Variants in RBFOX1 observed in about 807,000 individuals in gnomAD.
RBFOX1 encodes RNA binding protein fox-1 homolog 1.
In RBFOX1, 8 loss-of-function variants were observed where a neutral mutation model predicts 57.7. The observed-to-expected ratio is 0.14, with a 90% CI of 0.08 to 0.25. The LOEUF (loss-of-function observed/expected upper bound fraction) is 0.25, where lower values mean the gene tolerates loss of function less well. Ranked by LOEUF, RBFOX1 falls within the 10% of genes least tolerant of loss-of-function variation. The pLI is 1.00. For synonymous variants in RBFOX1, 326 were observed against 222.4 expected, an observed-to-expected ratio of 1.47 and a Z score of -4.15; for missense variants, 611 against 548.5, an observed-to-expected ratio of 1.11 and a Z score of -1.14.
At chr16:5,658,830 ATG>A (rs1165392778) in intron 3 of RBFOX1, among the ~76,000 whole-genome samples, 2 of 148,220 alleles carry the variant, frequency 1.3e-5, no homozygotes, top group East Asian at 3.9e-4. Flanking sequence ...ATATGTATAT[ATG>A]TATATATATA....
intron 3 of RBFOX1, among the ~76,000 whole-genome samples, chr16:5,796,578 ATG>A (rs2151744386): frequency 6.6e-6 from 1 of 152,232 alleles, no homozygotes; most frequent in East Asian, 1.9e-4. Flanking sequence ...GATGATGATG[ATG>A]ATGGTGACAG....
intron 4 of RBFOX1, among the ~76,000 whole-genome samples, chr16:7,266,979 G>A (rs1009535732): frequency 1.3e-5 from 2 of 152,066 alleles, no homozygotes; most frequent in African/African-American, 2.4e-5. Flanking sequence ...GGGCCACTGA[G>A]ACCAAAAAGC....
intron 1 of RBFOX1, among the ~76,000 whole-genome samples, chr16:6,142,254 C>T (rs991203019): frequency 8.0e-6 from 1 of 125,144 alleles, no homozygotes; most frequent in East Asian, 2.7e-4. Flanking sequence ...CGGAGTCTTG[C>T]TCTGTCACCC....
intron 4 of RBFOX1, among the ~76,000 whole-genome samples, chr16:7,435,586 G>C (rs1363139235): frequency 2.0e-5 from 3 of 152,278 alleles, no homozygotes; most frequent in South Asian, 4.1e-4. Context: ...TTTTCAGCAG[G>C]ACCTGGGTAA....
At chr16:7,456,111 C>T (rs560389341) in intron 4 of RBFOX1, among the ~76,000 whole-genome samples, 2 of 152,314 alleles carry the variant, frequency 1.3e-5, no homozygotes, top group African/African-American at 4.8e-5. Flanking sequence ...AGCGTTCCTA[C>T]ATTGCCCTTT....
intron 4 of RBFOX1, among the ~76,000 whole-genome samples, chr16:5,998,557 C>G (rs748557894): frequency 3.3e-5 from 5 of 152,050 alleles, no homozygotes; most frequent in African/African-American, 7.3e-5. Flanking sequence ...TATGTGGATG[C>G]CCAGCATATA....
chr16:7,659,463 T>C (rs1364689851), intron 12 of RBFOX1, among the ~76,000 whole-genome samples: 1 of 152,194 alleles, frequency 6.6e-6, no homozygotes, highest in Non-Finnish European at 1.5e-5. Flanking sequence ...AAGTCATCAT[T>C]ACCCATTCTC....
intron 1 of RBFOX1, among the ~76,000 whole-genome samples, chr16:6,096,559 A>G (rs375379685): frequency 6.6e-6 from 1 of 152,148 alleles, no homozygotes; most frequent in Non-Finnish European, 1.5e-5. Context: ...CTCTACTCCT[A>G]TGATGGCCTT....
intron 3 of RBFOX1, among the ~76,000 whole-genome samples, chr16:7,039,062 C>A (rs138495123): frequency 7.2e-4 from 109 of 152,030 alleles, no homozygotes; most frequent in African/African-American, 2.4e-3. Flanking sequence ...GAAGTGCTCA[C>A]TAAATGTGTT....
intron 1 of RBFOX1, among the ~76,000 whole-genome samples, chr16:6,204,594 T>G (rs2097240926): frequency 6.6e-6 from 1 of 152,158 alleles, no homozygotes; most frequent in Admixed American, 6.5e-5. Context: ...ATCATGATGG[T>G]CAGGGAAGAA....
At chr16:7,012,887 G>T (rs1053768719) in intron 3 of RBFOX1, among the ~76,000 whole-genome samples, 1 of 152,140 alleles carries the variant, frequency 6.6e-6, no homozygotes, top group African/African-American at 2.4e-5. Context: ...AGCTGGGGAG[G>T]CTGGAAGTTC....
At chr16:7,104,711 A>G (rs1011050096) in intron 4 of RBFOX1, among the ~76,000 whole-genome samples, 6 of 152,120 alleles carry the variant, frequency 3.9e-5, no homozygotes, top group South Asian at 2.1e-4. Flanking sequence ...GTTAAGGACA[A>G]TTAACCAAGG....
chr16:6,851,550 A>ATT (rs920493628), intron 3 of RBFOX1, among the ~76,000 whole-genome samples: 3 of 152,302 alleles, frequency 2.0e-5, no homozygotes, highest in Admixed American at 6.5e-5. Context: ...TTATTTAAAT[A>ATT]TTTGTGTTCT....
chr16:6,881,549 A>C (rs773358353), intron 3 of RBFOX1, among the ~76,000 whole-genome samples: 1 of 152,166 alleles, frequency 6.6e-6, no homozygotes, highest in Non-Finnish European at 1.5e-5. Flanking sequence ...GTGTCCAAAC[A>C]TGCATACTCC....
intron 2 of RBFOX1, among the ~76,000 whole-genome samples, chr16:6,441,400 T>A (rs1025809026): frequency 4.6e-5 from 7 of 151,998 alleles, no homozygotes; most frequent in African/African-American, 1.7e-4. Flanking sequence ...TTCTTGTTTT[T>A]TTGTTTTGTT....
chr16:7,510,179 C>G (rs1600433862), intron 4 of RBFOX1: 1 of 985,840 alleles, frequency 1.0e-6, no homozygotes, highest in Non-Finnish European at 1.2e-6. Flanking sequence ...CTCAACACCC[C>G]GATCATCCAC....
chr16:6,977,910 G>T (rs2087509577), intron 3 of RBFOX1, among the ~76,000 whole-genome samples: 1 of 135,626 alleles, frequency 7.4e-6, no homozygotes, highest in Non-Finnish European at 1.5e-5. Flanking sequence ...ATCCCAAGAG[G>T]AAACTGCCTC....
At chr16:7,090,617 A>G (rs1186313872) in intron 4 of RBFOX1, among the ~76,000 whole-genome samples, 2 of 152,180 alleles carry the variant, frequency 1.3e-5, no homozygotes, top group African/African-American at 2.4e-5. Context: ...TTCCTATCAA[A>G]AATAAATTTT....
intron 10 of RBFOX1, among the ~76,000 whole-genome samples, chr16:7,621,054 C>T (rs2059242358): frequency 6.6e-6 from 1 of 151,998 alleles, no homozygotes; most frequent in Admixed American, 6.6e-5. Flanking sequence ...ACCCCAGACC[C>T]CCTAGATAAG....
Sources: allele counts gnomAD v4.1 joint callset (sites outside exome capture counted in the v4.1 genomes callset), GRCh38; gene constraint gnomAD v4.1.1; transcripts MANE v1.5; gene names NCBI Gene and HGNC (gene_info 2026-07-23, HGNC 2026-07-21).